Variants in APOB observed in about 807,000 individuals in gnomAD.
APOB encodes apolipoprotein B.
In APOB, 153 loss-of-function variants were observed where a neutral mutation model predicts 314.1. That is an observed-to-expected ratio of 0.49 (90% CI 0.43 to 0.56). The LOEUF (loss-of-function observed/expected upper bound fraction) is 0.56, where lower values mean the gene tolerates loss of function less well. Among genes scored for constraint, APOB ranks in the 20% least tolerant of loss-of-function variants. The pLI is 0.00. For synonymous variants in APOB, 2,087 were observed against 2,036.4 expected, an observed-to-expected ratio of 1.02 and a Z score of -0.67; for missense variants, 5,430 against 5,350.7, an observed-to-expected ratio of 1.01 and a Z score of -0.46.
At position 21,026,815 on chromosome 2, in the gene APOB, G is replaced by A; in HGVS notation, c.2217C>T (p.Gly739=). 1.2e-6 allele frequency: 2 copies of A among 1,613,696 alleles called. No homozygotes were observed. The highest frequency in any genetic ancestry group is 1.7e-6 in the Non-Finnish European group (2 of 1,179,644). The change falls in exon 15 of 29, where the codon GGC becomes GGT. Residue 739 remains glycine, a synonymous_variant. Coordinates refer to ENST00000233242, the MANE Select transcript of APOB (RefSeq NM_000384.3). The part of the protein sequence containing the change: ...GVSKVLVDHF[G]YTKDDKHEQD... ...GCTCATGTTTATCATCTTTGGTATA[G>A]CCAAAGTGGTCCACTAAGACCTTAG...
chr2:21,006,939 G>C lies in APOB; in HGVS notation c.9929C>G (p.Pro3310Arg). 1 of 1,614,068 alleles carries C rather than the reference G, an allele frequency of 6.2e-7. No individual in the cohort carries two copies. Among genetic ancestry groups the C allele is most frequent in the Non-Finnish European group, 8.5e-7 (1 of 1,179,960 alleles). Residue 3310 changes from proline to arginine, a missense_variant, in exon 26 of 29, where the codon CCT (proline) becomes CGT (arginine). Around this residue, in one of 3 missense-constraint regions of APOB, gnomAD observed 3,281 missense variants for 3,171.0 expected, o/e 1.03. Coordinates refer to ENST00000233242, the MANE Select transcript of APOB (RefSeq NM_000384.3). Reference protein sequence around the residue: ...PSLELPVLHVPRNLKLSLPDF... With the variant: ...PSLELPVLHVRRNLKLSLPDF... ...TGGAAGAGAAAGCTTGAGATTTCTAGGGACATGAAGGACTGGCAGCTCTAA... is the reference window on the plus strand; with the variant it reads ...TGGAAGAGAAAGCTTGAGATTTCTACGGACATGAAGGACTGGCAGCTCTAA...
At chr2:21,016,808 C>T (rs542976584) in intron 20 of APOB, among the ~76,000 whole-genome samples, 159 bp from the exon 21 acceptor site, 1 of 151,848 alleles carries the variant, frequency 6.6e-6, no homozygotes, top group Non-Finnish European at 1.5e-5. Context: ...CATGGTGAAA[C>T]CCCGTCTCTA....
At position 21,042,482 on chromosome 2, in the gene APOB, G is replaced by T. The variant is rs1206711447; in HGVS notation, c.122-6C>A. On this transcript the variant is annotated splice_region_variant and splice_polypyrimidine_tract_variant and intron_variant, in intron 2 of 28. Coordinates refer to ENST00000233242, the MANE Select transcript of APOB (RefSeq NM_000384.3). ...CTTGAATCGGGTCGCATCTTCTAAC[G>T]TGGGGAGAAATACGTCAGCCACATA... 1 of 1,610,972 alleles carries T rather than the reference G, an allele frequency of 6.2e-7. No individual in the cohort carries two copies. Among genetic ancestry groups the T allele is most frequent in the Non-Finnish European group, 8.5e-7 (1 of 1,177,218 alleles).
intron 23 of APOB, 124 bp from the exon 24 acceptor site, chr2:21,014,717 AAAAT>A: frequency 1.0e-6 from 1 of 967,760 alleles, no homozygotes; most frequent in Non-Finnish European, 1.6e-6. Context: ...CTGAAAGTTA[AAAAT>A]AAATAACAGA....
In APOB at chr2:21,016,710, T is replaced by C. The variant is rs564493623; in HGVS notation, c.3122-61A>G. Reference sequence around the variant, plus strand: ...GTAAGAAGCTATGTTTTGGGCCGGGTGCGGTGGCTCACACCTGTAATCCCA... The same window carrying C: ...GTAAGAAGCTATGTTTTGGGCCGGGCGCGGTGGCTCACACCTGTAATCCCA... On this transcript the variant is annotated intron_variant, in intron 20 of 28. Transcript: ENST00000233242. 9.2e-4 allele frequency: 1,058 copies of C among 1,150,458 alleles called. 10 individuals are homozygous for C. The highest frequency in any genetic ancestry group is 5.7e-3 in the African/African-American group (377 of 65,990). The allele number at this position is 1,150,458 out of a possible 1,614,324, so 71.3% of individuals were successfully genotyped here. A position where few individuals can be genotyped will look rare whatever the true frequency, so the allele number is the denominator to read the frequency against.
rs754048241 is a variant in APOB at position 21,002,213 on chromosome 2, A to C, written c.13209T>G (p.Leu4403=). 20 of 1,613,906 alleles carry C rather than the reference A, an allele frequency of 1.2e-5. No individual in the cohort carries two copies. ...TGATCAGACTGACTATCTTTTCTTCAAGTTCATAATATTTCACTGTCCAGC... is the reference window on the plus strand; with the variant it reads ...TGATCAGACTGACTATCTTTTCTTCCAGTTCATAATATTTCACTGTCCAGC... The part of the protein sequence containing the change: ...IVGWTVKYYE[L]EEKIVSLIKN... The change falls in exon 29 of 29, where the codon CTT becomes CTG. Residue 4403 remains leucine (L), a synonymous_variant. Transcript: ENST00000233242.
At chr2:21,041,942 C>G (rs1664142345) in intron 3 of APOB, among the ~76,000 whole-genome samples, 1 of 152,060 alleles carries the variant, frequency 6.6e-6, no homozygotes, top group Admixed American at 6.5e-5. Flanking sequence ...TTTTTTTCTT[C>G]TTTCCATTCA....
At chr2:21,004,978 T>C (rs572738696) in intron 26 of APOB, 102 bp downstream of exon 26, 4 of 1,490,996 alleles carry the variant, frequency 2.7e-6, no homozygotes, top group Non-Finnish European at 3.7e-6. Context: ...TTTGTGACAT[T>C]GAGTAATTGT....
chr2:21,015,667 G>T, intron 21 of APOB, 122 bp from the exon 22 acceptor site: 2 of 1,053,720 alleles, frequency 1.9e-6, no homozygotes, highest in East Asian at 2.5e-5. Flanking sequence ...CAGAGAAACA[G>T]CCACAGATCA....
In APOB at chr2:21,006,438, A is replaced by G. The variant is rs190114930; in HGVS notation, c.10430T>C (p.Val3477Ala). 3.1e-6 allele frequency: 5 copies of G among 1,614,118 alleles called. No individual in the cohort carries two copies. The African/African-American group carries it at 4.0e-5, about 13-fold the overall frequency. Residue 3477 changes from valine (V) to alanine (A), a missense_variant, in exon 26 of 29, where the codon GTT (valine) becomes GCT (alanine). This residue lies in a region of APOB where 3,281 missense variants were observed against 3,171.0 expected (regional missense o/e 1.03). Transcript: ENST00000233242. ...SMLYSTAKGA[V>A]DHKLSLESLT... The stretch of plus-strand genomic sequence containing the variant: ...GCTTTCCAAGCTAAGCTTGTGGTCA[A>G]CTGCTCCTTTAGCGGTAGAGTACAG...
chr2:21,040,045 T>C lies in APOB; in HGVS notation c.383+893A>G, dbSNP rs12720786. On this transcript the variant is annotated intron_variant, in intron 4 of 28. Transcript: ENST00000233242. ...GACCCGGGGGGAGGTGATTGAATCATGGGGGCAGGTCTTTCCCGTGCTGTT... is the reference window on the plus strand; with the variant it reads ...GACCCGGGGGGAGGTGATTGAATCACGGGGGCAGGTCTTTCCCGTGCTGTT... Among the ~76,000 whole-genome samples, 272 of 152,266 alleles carry C rather than the reference T, an allele frequency of 1.8e-3. 2 individuals are homozygous for C. Among genetic ancestry groups the C allele is most frequent in the African/African-American group, 5.6e-3 (233 of 41,552 alleles).
chr2:21,002,545 T>C lies in APOB; in HGVS notation c.12877A>G (p.Thr4293Ala). The change falls in exon 29 of 29, where the codon ACA (threonine) becomes GCA (alanine). Residue 4293 changes from threonine (T) to alanine (A), a missense_variant. Transcript: ENST00000233242. ...TCCTGAAGATTACGTAGCACCTCTG[T>C]GGTCTTGAGAGACTGAATGGCTTTA... ...VFKAIQSLKT[T>A]EVLRNLQDLL... 6.2e-7 allele frequency: 1 copy of C among 1,614,032 alleles called. No homozygotes were observed. The highest frequency in any genetic ancestry group is 8.5e-7 in the Non-Finnish European group (1 of 1,179,918).
At chr2:21,024,708 T>C in intron 16 of APOB, 1 of 687,232 alleles carries the variant, frequency 1.5e-6, no homozygotes, top group East Asian at 2.7e-5. Flanking sequence ...AAATTAATGC[T>C]CTTAAAAATA....
At chr2:21,014,365 TA>T in intron 24 of APOB, 82 bp downstream of exon 24, 2 of 1,535,298 alleles carry the variant, frequency 1.3e-6, no homozygotes, top group Non-Finnish European at 1.8e-6. Context: ...TTTAAAAATT[TA>T]AAAAAATGTC....
rs1168779658 is a variant in APOB at position 21,006,953 on chromosome 2, T to C, written c.9915A>G (p.Pro3305=). 1.9e-6 allele frequency: 3 copies of C among 1,614,052 alleles called. No homozygotes were observed. The highest frequency in any genetic ancestry group is 1.7e-5 in the Admixed American group (1 of 60,008). The change falls in exon 26 of 29, where the codon CCA becomes CCG. Residue 3305 remains proline (P), a synonymous_variant. Coordinates refer to ENST00000233242, the MANE Select transcript of APOB (RefSeq NM_000384.3). Reference sequence around the variant, plus strand: ...TGAGATTTCTAGGGACATGAAGGACTGGCAGCTCTAATGATGGCAGGATTA... The same window carrying C: ...TGAGATTTCTAGGGACATGAAGGACCGGCAGCTCTAATGATGGCAGGATTA... ...YTLILPSLEL[P]VLHVPRNLKL...
In APOB at chr2:21,009,303, C is replaced by A; in HGVS notation, c.7565G>T (p.Arg2522Leu). 6.2e-7 allele frequency: 1 copy of A among 1,614,062 alleles called. No individual in the cohort carries two copies. The highest frequency in any genetic ancestry group is 1.1e-5 in the South Asian group (1 of 91,068). ...FRETLEDTRD[R>L]MYQMDIQQEL... ...CTGCTGAATGTCCATTTGATACATT[C>A]GGTCTCGTGTATCTTCTAGGGTCTC... The change falls in exon 26 of 29, where the codon CGA (arginine) becomes CTA (leucine). Residue 2522 changes from arginine to leucine, a missense_variant. Arg to Leu is a moderately radical substitution (Grantham distance 102). Around this residue, in one of 3 missense-constraint regions of APOB, gnomAD observed 3,281 missense variants for 3,171.0 expected, o/e 1.03. Transcript: ENST00000233242.
rs1442501201 is a variant in APOB at position 21,041,060 on chromosome 2, G to A, written c.261C>T (p.Leu87=). 6.2e-7 allele frequency: 1 copy of A among 1,612,658 alleles called. No homozygotes were observed. Among genetic ancestry groups the A allele is most frequent in the Non-Finnish European group, 8.5e-7 (1 of 1,179,796 alleles). Residue 87 remains leucine (L), a synonymous_variant, in exon 4 of 29, where the codon CTC becomes CTT. Transcript: ENST00000233242. ...GGCTGGTCTTCAGGATGAAGCTGCA[G>A]AGCTGGGGAACCTCCAGCTCAACCT... The part of the protein sequence containing the change: ...NCKVELEVPQ[L]CSFILKTSQC...
In APOB at chr2:21,009,712, TCTTAA is replaced by T. The variant is rs1441446862; in HGVS notation, c.7151_7155del (p.Val2384AspfsTer6). On this transcript the variant is annotated frameshift_variant, in exon 26 of 29. Transcript: ENST00000233242. LOFTEE classifies it high-confidence loss of function. Reference sequence around the variant, plus strand: ...ACCAATTTCTCAAAGTAATCTTTTATCTTAACTTGTTGTAGGACATTGCTTAGCTT... The same window carrying T: ...ACCAATTTCTCAAAGTAATCTTTTATCTTGTTGTAGGACATTGCTTAGCTT... 3 of 1,613,546 alleles carry T rather than the reference TCTTAA, an allele frequency of 1.9e-6. No homozygotes were observed. Among genetic ancestry groups the T allele is most frequent in the Non-Finnish European group, 2.5e-6 (3 of 1,179,802 alleles).
intron 28 of APOB, 42 bp from the exon 29 acceptor site, chr2:21,003,376 T>G (rs1202986957): frequency 6.5e-7 from 1 of 1,542,954 alleles, no homozygotes; most frequent in Admixed American, 1.7e-5. Context: ...TTTCAATTAC[T>G]CCAATTACAC....
Sources: gnomAD v4.1 joint callset for allele counts (sites outside exome capture counted in the v4.1 genomes callset) on GRCh38, gnomAD v4.1.1 for gene constraint, gnomAD v4.1.1 regional missense constraint, MANE v1.5 for transcripts, NCBI Gene and HGNC (gene_info 2026-07-23, HGNC 2026-07-21) for gene names.